The following CPAMD8 variants were observed in gnomAD, a reference collection of about 807,000 sequenced individuals.
The protein encoded by CPAMD8 is C3 and PZP-like alpha-2-macroglobulin domain-containing protein 8.
CPAMD8 carries 146 observed loss-of-function variants against 224.7 expected under a neutral mutation model. The ratio of observed to expected loss-of-function variants is 0.65; its 90% CI spans 0.57 to 0.75. The LOEUF is 0.75. CPAMD8 is among the 30% of genes least tolerant of loss of function. The probability of loss-of-function intolerance (pLI) is 0.00; values close to 1 mark genes in which losing one functional copy is unlikely to be tolerated. For synonymous variants in CPAMD8, 966 were observed against 1,044.6 expected (o/e 0.92, Z 1.45); for missense variants, 2,301 against 2,537.5 (o/e 0.91, Z 2.00).
intron 27 of CPAMD8, among the ~76,000 whole-genome samples, chr19:16,916,281 T>G (rs541122891): frequency 1.3e-5 from 2 of 151,866 alleles, no homozygotes; most frequent in Admixed American, 6.6e-5. Context: ...CCCAAAGTGG[T>G]GGGATTATAG....
Position 17,011,582 on chromosome 19 carries a change from G to A in CPAMD8, c.433+10C>T, listed in dbSNP as rs377526886. On this transcript the variant is annotated intron_variant, in intron 4 of 41. Coordinates refer to ENST00000443236, the MANE Select transcript of CPAMD8 (RefSeq NM_015692.5). Reference sequence around the variant, plus strand: ...GGCCGGCCCTCCCTGCATCCATGCTGGCCACTCACCTCGGTGCTGGGGTCT... The same window carrying A: ...GGCCGGCCCTCCCTGCATCCATGCTAGCCACTCACCTCGGTGCTGGGGTCT... 1.2e-5 allele frequency: 19 copies of A among 1,614,082 alleles called. No homozygotes were observed. The African/African-American group carries it at 2.4e-4, about 20-fold the overall frequency.
chr19:16,977,665 A>G (rs912773838), intron 14 of CPAMD8, 125 bp from the exon 15 acceptor site: 47 of 669,152 alleles, frequency 7.0e-5, no homozygotes, highest in Admixed American at 1.3e-4. Flanking sequence ...GACAGTCTGC[A>G]TCTTTGGTTT....
chr19:16,912,247 G>T (rs2052755939), intron 29 of CPAMD8, among the ~76,000 whole-genome samples: 1 of 152,182 alleles, frequency 6.6e-6, no homozygotes, highest in Admixed American at 6.5e-5. Context: ...CTGGTCCCTT[G>T]TGCCAAAAAG....
chr19:16,918,906 T>C (rs1446805754), intron 27 of CPAMD8, among the ~76,000 whole-genome samples: 8 of 152,068 alleles, frequency 5.3e-5, no homozygotes, highest in Non-Finnish European at 8.8e-5. Context: ...AGGTTGGCAC[T>C]AAAAGCATCT....
In CPAMD8 at chr19:16,904,360, C is replaced by A. The variant is rs1219745022; in HGVS notation, c.4117G>T (p.Val1373Phe). 1 of 1,613,898 alleles carries A rather than the reference C, an allele frequency of 6.2e-7. No homozygotes were observed. The highest frequency in any genetic ancestry group is 1.3e-5 in the African/African-American group (1 of 74,924). The stretch of plus-strand genomic sequence containing the variant: ...GCTGTCATTTCCACCTCGGCCGAGA[C>A]CACTGCAATGGAAGAGGCCCACTGG... ...SFSDRVSQSV[V>F]SAEVEMTAYA... Residue 1373 changes from valine to phenylalanine, a missense_variant and splice_region_variant, in exon 32 of 42, where the codon GTC becomes TTC. Transcript: ENST00000443236.
intron 20 of CPAMD8, among the ~76,000 whole-genome samples, chr19:16,948,898 G>GAGGGAAAGGA (rs1568515675): frequency 1.2e-5 from 1 of 80,116 alleles, no homozygotes; most frequent in Non-Finnish European, 2.4e-5. Context: ...GAAGGGAAGG[G>GAGGGAAAGGA]AAGGGAAGGG....
chr19:16,967,982 A>G (rs2054919160), intron 18 of CPAMD8, among the ~76,000 whole-genome samples: 1 of 67,374 alleles, frequency 1.5e-5, no homozygotes, highest in African/African-American at 6.3e-5. Context: ...TTCCAATTAC[A>G]AAAAAGCATG....
At chr19:16,978,061 G>T (rs2055345392) in intron 14 of CPAMD8, among the ~76,000 whole-genome samples, 1 of 152,110 alleles carries the variant, frequency 6.6e-6, no homozygotes, top group African/African-American at 2.4e-5. Flanking sequence ...GCCTGTCCAG[G>T]CACTCCCAAA....
At chr19:16,991,056 G>C (rs928779191) in intron 12 of CPAMD8, among the ~76,000 whole-genome samples, 4 of 151,786 alleles carry the variant, frequency 2.6e-5, no homozygotes, top group Non-Finnish European at 4.4e-5. Context: ...ATTGAGATTA[G>C]TCCCATGGCC....
rs1348278088 is a variant in CPAMD8 at position 17,008,573 on chromosome 19, A to AG, written c.505-15dup. The AG allele has an allele frequency of 6.2e-7, 1 of 1,613,950 alleles. No individual in the cohort carries two copies. Among genetic ancestry groups the AG allele is most frequent in the Non-Finnish European group, 8.5e-7 (1 of 1,179,922 alleles). On this transcript the variant is annotated splice_polypyrimidine_tract_variant and intron_variant, in intron 6 of 41. Coordinates refer to ENST00000443236, the MANE Select transcript of CPAMD8 (RefSeq NM_015692.5). ...GCCTCGGGGGTCCTGTTGGTGGTGGAGGGGGACAGACACACGGAGTGAACT... is the reference window on the plus strand; with the variant it reads ...GCCTCGGGGGTCCTGTTGGTGGTGGAGGGGGGACAGACACACGGAGTGAACT...
At chr19:16,980,893 T>C (rs1007181891) in intron 13 of CPAMD8, among the ~76,000 whole-genome samples, 2 of 152,120 alleles carry the variant, frequency 1.3e-5, no homozygotes, top group African/African-American at 2.4e-5. Context: ...TGGCATGCGA[T>C]GGTGAGATCT....
At chr19:16,905,726 A>G (rs990662184) in intron 30 of CPAMD8, among the ~76,000 whole-genome samples, 4 of 152,224 alleles carry the variant, frequency 2.6e-5, no homozygotes, top group African/African-American at 9.6e-5. Context: ...AATGAAAACA[A>G]TTCTTCAGGT....
At chr19:16,972,986 T>A (rs1052963904) in intron 17 of CPAMD8, among the ~76,000 whole-genome samples, 7 of 152,030 alleles carry the variant, frequency 4.6e-5, no homozygotes, top group Admixed American at 2.6e-4. Context: ...CTGGGTGACA[T>A]GGTGAAACCC....
intron 18 of CPAMD8, among the ~76,000 whole-genome samples, chr19:16,963,688 C>G (rs1278696271): frequency 6.6e-6 from 1 of 152,156 alleles, no homozygotes; most frequent in Non-Finnish European, 1.5e-5. Context: ...CTGCACCAAG[C>G]AGACCTAATA....
Position 16,896,553 on chromosome 19 carries a change from G to A in CPAMD8, c.5178C>T (p.Ser1726=). 1 of 1,502,882 alleles carries A rather than the reference G, an allele frequency of 6.7e-7. No homozygotes were observed. Among genetic ancestry groups the A allele is most frequent in the Non-Finnish European group, 8.8e-7 (1 of 1,132,838 alleles). The allele number at this position is 1,502,882 out of a possible 1,614,324, so 93.1% of individuals were successfully genotyped here. A position where few individuals can be genotyped will look rare whatever the true frequency, so the allele number is the denominator to read the frequency against. The change falls in exon 40 of 42, where the codon TCC becomes TCT. Residue 1726 remains serine (S), a synonymous_variant. Coordinates refer to ENST00000443236, the MANE Select transcript of CPAMD8 (RefSeq NM_015692.5). ...AGGCGCTGGCGTAGACCACCCCGTC[G>A]GAGCCGCACACCGGGTTCCCCTGGG... ...CGAQGNPVCG[S]DGVVYASACR... is the part of the protein sequence containing the mutation.
intron 11 of CPAMD8, among the ~76,000 whole-genome samples, chr19:16,994,707 C>T (rs2056071613): frequency 6.6e-6 from 1 of 151,662 alleles, no homozygotes; most frequent in South Asian, 2.1e-4. Flanking sequence ...ATCTGTAGAG[C>T]TGGGGTCTTG....
chr19:17,011,649 G>A lies in CPAMD8; in HGVS notation c.376C>T (p.Arg126Trp), dbSNP rs766632352. 54 of 1,613,980 alleles carry A rather than the reference G, an allele frequency of 3.3e-5. No homozygotes were observed. The highest frequency in any genetic ancestry group is 6.7e-5 in the East Asian group (3 of 44,888). Residue 126 changes from arginine to tryptophan, a missense_variant, in exon 4 of 42, where the codon CGG becomes TGG. Arg to Trp is a moderately radical substitution (Grantham distance 101, BLOSUM62 -3). Coordinates refer to ENST00000443236, the MANE Select transcript of CPAMD8 (RefSeq NM_015692.5). Reference sequence around the variant, plus strand: ...GTCTGGATGAATACAGAAGCGCCCCGGCCGTCCACGGTCACCGAGGTCTGG... The same window carrying A: ...GTCTGGATGAATACAGAAGCGCCCCAGCCGTCCACGGTCACCGAGGTCTGG... ...HNQTSVTVDGRGASVFIQTDK... is the reference protein window; with the variant it reads ...HNQTSVTVDGWGASVFIQTDK...
Position 16,899,216 on chromosome 19 carries a change from T to G in CPAMD8, c.4848+259A>C, listed in dbSNP as rs1939866140. On this transcript the variant is annotated intron_variant, in intron 37 of 41. Transcript: ENST00000443236. The surrounding 1 kb of genome is among the most constrained non-coding windows in gnomAD (Gnocchi z 5.4). ...GATTGCAGGCGTAAGCCAAAGGGCC[T>G]GGGCACTTTTTTATATTTTTTGTAA... Among the ~76,000 whole-genome samples the G allele has an allele frequency of 6.6e-6, 1 of 152,096 alleles. No individual in the cohort carries two copies. The highest frequency in any genetic ancestry group is 1.5e-5 in the Non-Finnish European group (1 of 68,010).
At chr19:16,940,090 T>A (rs1402140501) in intron 22 of CPAMD8, among the ~76,000 whole-genome samples, 1 of 151,950 alleles carries the variant, frequency 6.6e-6, no homozygotes, top group Admixed American at 6.6e-5. Flanking sequence ...TTTTGTACTT[T>A]TAGTAGAGAC....
Sources: gnomAD v4.1 joint callset for allele counts (sites outside exome capture counted in the v4.1 genomes callset) on GRCh38, gnomAD v4.1.1 for gene constraint, Gnocchi (gnomAD v3.1) non-coding constraint, MANE v1.5 for transcripts, NCBI Gene and HGNC (gene_info 2026-07-23, HGNC 2026-07-21) for gene names.